Variants in KIF26B observed in about 807,000 individuals in gnomAD.
KIF26B encodes the protein kinesin-like protein KIF26B.
In KIF26B, 63 loss-of-function variants were observed where a neutral mutation model predicts 151.2. The observed-to-expected ratio is 0.42, with a 90% confidence interval of 0.34 to 0.51. The LOEUF (loss-of-function observed/expected upper bound fraction) is 0.51, where lower values mean the gene tolerates loss of function less well. Among genes scored for constraint, KIF26B ranks in the 20% least tolerant of loss-of-function variants. The pLI is 0.07. For synonymous variants in KIF26B, 1,357 were observed against 1,262.1 expected (o/e 1.08, Z -1.59); for missense variants, 2,813 against 2,913.6 (o/e 0.97, Z 0.79).
intron 2 of KIF26B, among the ~76,000 whole-genome samples, chr1:245,289,186 C>A (rs1490945289): frequency 6.6e-6 from 1 of 152,148 alleles, no homozygotes; most frequent in Non-Finnish European, 1.5e-5. Flanking sequence ...TCAACTCAGA[C>A]AACACTCTTT....
At chr1:245,344,004 G>A (rs886338669) in intron 2 of KIF26B, among the ~76,000 whole-genome samples, 2 of 152,102 alleles carry the variant, frequency 1.3e-5, no homozygotes, top group African/African-American at 4.8e-5. Flanking sequence ...GGTGCAGGTA[G>A]GGCTCTGGCC....
Position 245,702,495 on chromosome 1 carries a change from G to A in KIF26B, c.6216G>A (p.Glu2072=). 6.2e-6 allele frequency: 10 copies of A among 1,613,912 alleles called. No individual in the cohort carries two copies. The highest frequency in any genetic ancestry group is 8.5e-6 in the Non-Finnish European group (10 of 1,179,874). ...AGGTTTGGGAGCTGGATTCCCTGGA[G>A]TACCTGGAGGCACTGGAGTGTGTGA... ...LEQVWELDSL[E]YLEALECVTE... The change falls in exon 15 of 15, where the codon GAG becomes GAA. Residue 2072 remains glutamate, a synonymous_variant. Transcript: ENST00000407071. The surrounding 1 kb of genome is among the most constrained non-coding windows in gnomAD (Gnocchi z 4.1).
At chr1:245,312,962 C>T (rs1671691387) in intron 2 of KIF26B, among the ~76,000 whole-genome samples, 2 of 151,964 alleles carry the variant, frequency 1.3e-5, no homozygotes, top group African/African-American at 4.8e-5. Context: ...GAGATCGAGA[C>T]CATCCTGGCC....
chr1:245,608,935 A>G (rs1032544906), intron 7 of KIF26B, among the ~76,000 whole-genome samples: 1 of 151,964 alleles, frequency 6.6e-6, no homozygotes, highest in African/African-American at 2.4e-5. Context: ...AAAATTTTTC[A>G]TAGAGGCAGG....
At chr1:245,528,085 G>GA (rs113195253) in intron 4 of KIF26B, among the ~76,000 whole-genome samples, 3 of 152,092 alleles carry the variant, frequency 2.0e-5, no homozygotes, top group Admixed American at 1.3e-4. Context: ...CTGGCACAGG[G>GA]AAAAGTACGT....
intron 3 of KIF26B, among the ~76,000 whole-genome samples, chr1:245,387,364 C>T (rs987941511): frequency 2.6e-5 from 3 of 117,364 alleles, no homozygotes; most frequent in Non-Finnish European, 5.2e-5. Context: ...GCGGTTTTAC[C>T]ATGTTGGCCA....
rs372939140 is a variant in KIF26B, at chr1:245,609,477, C to T, written c.1863C>T (p.Asp621=). 1.1e-4 allele frequency: 171 copies of T among 1,601,212 alleles called. No homozygotes were observed. Among genetic ancestry groups the T allele is most frequent in the South Asian group, 1.8e-4 (16 of 88,466 alleles). Residue 621 remains aspartate (D), a synonymous_variant, in exon 8 of 15, where the codon GAC becomes GAT. Transcript: ENST00000407071. ...LSEVATGSLQ[D]GQSPGVYLCE... ...AGGTGGCCACGGGCAGCCTGCAGGACGGCCAGTCCCCGGGCGTGTACCTCT... is the reference window on the plus strand; with the variant it reads ...AGGTGGCCACGGGCAGCCTGCAGGATGGCCAGTCCCCGGGCGTGTACCTCT...
intron 5 of KIF26B, among the ~76,000 whole-genome samples, chr1:245,556,740 T>A (rs967061452): frequency 3.3e-5 from 5 of 152,170 alleles, no homozygotes; most frequent in Non-Finnish European, 5.9e-5. Context: ...GAGGTCTCTG[T>A]ATCATCAAGA....
chr1:245,573,263 C>A (rs1397613251), intron 5 of KIF26B, among the ~76,000 whole-genome samples: 2 of 152,222 alleles, frequency 1.3e-5, no homozygotes, highest in Non-Finnish European at 2.9e-5. Flanking sequence ...GCGGCTCACG[C>A]CTGTAATCCC....
At chr1:245,202,151 CTAT>C (rs1321669870) in intron 2 of KIF26B, among the ~76,000 whole-genome samples, 1 of 152,148 alleles carries the variant, frequency 6.6e-6, no homozygotes, top group South Asian at 2.1e-4. Flanking sequence ...ATGAGAGCCA[CTAT>C]TATTATTCAC....
Position 245,537,067 on chromosome 1 carries a change from G to A in KIF26B, c.1167-3700G>A, listed in dbSNP as rs116067211. Among the ~76,000 whole-genome samples the A allele has an allele frequency of 4.9e-3, 744 of 152,344 alleles. 4 individuals are homozygous for A. Among genetic ancestry groups the A allele is most frequent in the Non-Finnish European group, 7.5e-3 (511 of 68,032 alleles). On this transcript the variant is annotated intron_variant, in intron 4 of 14. Coordinates refer to ENST00000407071, the MANE Select transcript of KIF26B (RefSeq NM_018012.4). ...CAGTGTCAGGTTGTAAGAAGTGCCTGTGGGAGACACATGGATGCAGCCATC... is the reference window on the plus strand; with the variant it reads ...CAGTGTCAGGTTGTAAGAAGTGCCTATGGGAGACACATGGATGCAGCCATC...
At chr1:245,207,123 G>T (rs763519754) in intron 2 of KIF26B, among the ~76,000 whole-genome samples, 6 of 152,146 alleles carry the variant, frequency 3.9e-5, no homozygotes, top group Non-Finnish European at 8.8e-5. Flanking sequence ...ATGAACAAAT[G>T]GATGAATAAA....
intron 9 of KIF26B, among the ~76,000 whole-genome samples, chr1:245,616,082 A>T (rs376633221): frequency 6.6e-6 from 1 of 152,344 alleles, no homozygotes; most frequent in South Asian, 2.1e-4. Context: ...CATTTTATAC[A>T]TTTTACACAC....
intron 4 of KIF26B, among the ~76,000 whole-genome samples, chr1:245,515,161 T>A (rs1660924485): frequency 6.6e-6 from 1 of 152,196 alleles, no homozygotes; most frequent in African/African-American, 2.4e-5. Flanking sequence ...GATGGGTTAC[T>A]CCTTACTCCA....
intron 2 of KIF26B, among the ~76,000 whole-genome samples, chr1:245,178,982 T>TG (rs1411404555): frequency 6.6e-6 from 1 of 152,078 alleles, no homozygotes. Context: ...GTTTTTTTTT[T>TG]TTAAATAATT....
At chr1:245,392,208 G>A (rs1673718979) in intron 3 of KIF26B, among the ~76,000 whole-genome samples, 1 of 152,182 alleles carries the variant, frequency 6.6e-6, no homozygotes, top group African/African-American at 2.4e-5. Flanking sequence ...TGAAGGGGTA[G>A]TTCTCTTTCG....
intron 3 of KIF26B, among the ~76,000 whole-genome samples, chr1:245,390,444 C>T (rs1418868458): frequency 1.3e-5 from 2 of 152,040 alleles, no homozygotes; most frequent in Admixed American, 6.5e-5. Flanking sequence ...GTCTCGTGAT[C>T]CACTGGCCTC....
chr1:245,532,401 A>T lies in KIF26B; in HGVS notation c.1167-8366A>T, dbSNP rs897528223. On this transcript the variant is annotated intron_variant, in intron 4 of 14. Coordinates refer to ENST00000407071, the MANE Select transcript of KIF26B (RefSeq NM_018012.4). The stretch of plus-strand genomic sequence containing the variant: ...GCTGGGACTACAGGCGCCCGCCACC[A>T]TGCCCAGCTAATTTTTTGTATTTTT... Among the ~76,000 whole-genome samples the T allele has an allele frequency of 7.3e-5, 11 of 151,612 alleles. No homozygotes were observed. The East Asian group carries it at 9.7e-4, about 13-fold the overall frequency.
chr1:245,226,478 G>A (rs924408197), intron 2 of KIF26B, among the ~76,000 whole-genome samples: 13 of 146,106 alleles, frequency 8.9e-5, no homozygotes, highest in Admixed American at 6.1e-4. Flanking sequence ...TTGTTTTTTT[G>A]TACACACAGT....
Sources: allele counts gnomAD v4.1 joint callset (sites outside exome capture counted in the v4.1 genomes callset), GRCh38; gene constraint gnomAD v4.1.1; non-coding constraint Gnocchi (gnomAD v3.1); transcripts MANE v1.5; gene names NCBI Gene and HGNC (gene_info 2026-07-23, HGNC 2026-07-21).